The following MEGF6 variants were observed in gnomAD, a reference collection of about 807,000 sequenced individuals.
The protein encoded by MEGF6 is multiple epidermal growth factor-like domains protein 6.
In MEGF6, 184 loss-of-function variants were observed where a neutral mutation model predicts 207.1. That is an observed-to-expected ratio of 0.89 (90% CI 0.79 to 1.00). The LOEUF is 1.00. Among genes scored for constraint, MEGF6 ranks in the 50% least tolerant of loss-of-function variants. The probability of loss-of-function intolerance (pLI) is 0.00; values close to 1 mark genes in which losing one functional copy is unlikely to be tolerated. For missense variants in MEGF6, 2,282 were observed against 2,202.9 expected, an observed-to-expected ratio of 1.04 and a Z score of -0.72; for synonymous variants, 1,038 against 910.0, an observed-to-expected ratio of 1.14 and a Z score of -2.53.
chr1:3,549,697 C>G (rs1445401737), intron 4 of MEGF6, among the ~76,000 whole-genome samples: 1 of 152,246 alleles, frequency 6.6e-6, no homozygotes, highest in Non-Finnish European at 1.5e-5. Context: ...AGGGCTCCAG[C>G]TCGGGCTATG....
At chr1:3,618,736 G>A in the MEGF6 span, among the ~76,000 whole-genome samples, 4 of 152,134 alleles carry the variant, frequency 2.6e-5, no homozygotes, top group African/African-American at 7.2e-5. The surrounding 1 kb of genome is among the most constrained non-coding windows in gnomAD (Gnocchi z 4.7). Flanking sequence ...GCCAGCCCTC[G>A]TACACAGCCC....
At chr1:3,618,296 C>T in the MEGF6 span, among the ~76,000 whole-genome samples, 12 of 152,164 alleles carry the variant, frequency 7.9e-5, no homozygotes, top group Non-Finnish European at 1.5e-4. This position sits in a 1 kb window ranked among gnomAD's most constrained non-coding sequence, Gnocchi z 4.7. Flanking sequence ...CTGTTTAAGA[C>T]CTTCTGGCCC....
intron 4 of MEGF6, among the ~76,000 whole-genome samples, chr1:3,546,528 G>A (rs1479020384): frequency 1.3e-5 from 2 of 150,080 alleles, no homozygotes; most frequent in Admixed American, 1.3e-4. Context: ...GCCAGGGAGG[G>A]CACCGAGGCG....
chr1:3,605,943 G>A (rs1394453230), intron 1 of MEGF6, among the ~76,000 whole-genome samples: 1 of 152,166 alleles, frequency 6.6e-6, no homozygotes, highest in Non-Finnish European at 1.5e-5. Context: ...TGCTTCCTGC[G>A]CCCCTTCATG....
At chr1:3,548,091 G>A (rs1055244474) in intron 4 of MEGF6, among the ~76,000 whole-genome samples, 9 of 152,200 alleles carry the variant, frequency 5.9e-5, no homozygotes, top group African/African-American at 1.9e-4. Context: ...CATGGGGATC[G>A]GAACCTGGAG....
chr1:3,497,495 C>G, intron 26 of MEGF6, 134 bp from the exon 27 acceptor site: 1 of 1,208,128 alleles, frequency 8.3e-7, no homozygotes. Flanking sequence ...GCTCACCATT[C>G]TCACACCTGG....
intron 2 of MEGF6, among the ~76,000 whole-genome samples, chr1:3,599,779 C>T (rs1446780908): frequency 1.3e-5 from 2 of 152,158 alleles, no homozygotes; most frequent in African/African-American, 2.4e-5. Context: ...CACTCCAGGG[C>T]CTGAGGAAGC....
At chr1:3,555,686 C>T (rs1460865020) in intron 4 of MEGF6, among the ~76,000 whole-genome samples, 1 of 152,210 alleles carries the variant, frequency 6.6e-6, no homozygotes, top group Non-Finnish European at 1.5e-5. Context: ...GAGCCTTCTC[C>T]AGCCCGCCCT....
chr1:3,559,375 A>G (rs1643123395), intron 4 of MEGF6, among the ~76,000 whole-genome samples: 1 of 152,112 alleles, frequency 6.6e-6, no homozygotes, highest in South Asian at 2.1e-4. Flanking sequence ...ATCAACTTGC[A>G]GCCCAGCAAG....
At chr1:3,525,343 A>G (rs1426489555) in intron 4 of MEGF6, among the ~76,000 whole-genome samples, 1 of 152,230 alleles carries the variant, frequency 6.6e-6, no homozygotes, top group African/African-American at 2.4e-5. Flanking sequence ...AGAGGGGAGT[A>G]GGAGAGCAGG....
intron 4 of MEGF6, among the ~76,000 whole-genome samples, chr1:3,532,420 T>TG (rs1642206977): frequency 6.6e-6 from 1 of 152,204 alleles, no homozygotes; most frequent in South Asian, 2.1e-4. Flanking sequence ...CAAGCTGTGG[T>TG]GCTCAATGAC....
intron 1 of MEGF6, among the ~76,000 whole-genome samples, chr1:3,606,615 A>C (rs1644252471): frequency 6.6e-6 from 1 of 152,214 alleles, no homozygotes; most frequent in African/African-American, 2.4e-5. Flanking sequence ...GTGTTACTGC[A>C]GATACTGGGA....
intron 4 of MEGF6, among the ~76,000 whole-genome samples, chr1:3,563,179 T>C (rs1330748687): frequency 6.6e-6 from 1 of 152,176 alleles, no homozygotes; most frequent in African/African-American, 2.4e-5. Context: ...ACATCGCACA[T>C]GCACCTTGTA....
chr1:3,601,017 T>C (rs976722762), intron 2 of MEGF6, among the ~76,000 whole-genome samples: 2 of 151,948 alleles, frequency 1.3e-5, no homozygotes, highest in African/African-American at 4.8e-5. Context: ...CGGGAGGGGA[T>C]CCCCTGCCAG....
Position 3,573,410 on chromosome 1 carries a change from A to T in MEGF6, c.481+6415T>A, listed in dbSNP as rs1643564239. Among the ~76,000 whole-genome samples the T allele has an allele frequency of 6.6e-6, 1 of 152,192 alleles. No homozygotes were observed. Among genetic ancestry groups the T allele is most frequent in the South Asian group, 2.1e-4 (1 of 4,834 alleles). On this transcript the variant is annotated intron_variant, in intron 4 of 36. Coordinates refer to ENST00000356575, the MANE Select transcript of MEGF6 (RefSeq NM_001409.4). The surrounding 1 kb of genome is among the most constrained non-coding windows in gnomAD (Gnocchi z 5.1). ...AAACCTTCTGCTTGGCTGCACCCAA[A>T]GGTAAGCACGGGAAACAGTGCGGGG...
chr1:3,542,217 G>A (rs186956572), intron 4 of MEGF6, among the ~76,000 whole-genome samples: 78 of 150,430 alleles, frequency 5.2e-4, no homozygotes, highest in African/African-American at 1.7e-3. Context: ...GGGCCTGGAT[G>A]GGTGGGGTCC....
chr1:3,549,256 G>A (rs576391852), intron 4 of MEGF6, among the ~76,000 whole-genome samples: 4 of 152,118 alleles, frequency 2.6e-5, no homozygotes, highest in East Asian at 3.9e-4. Flanking sequence ...CAGGTGGACC[G>A]GCCACCAGGA....
chr1:3,553,077 A>G (rs1410661160), intron 4 of MEGF6, among the ~76,000 whole-genome samples: 4 of 152,164 alleles, frequency 2.6e-5, no homozygotes, highest in African/African-American at 9.7e-5. Flanking sequence ...GGTAACGCAC[A>G]GCCCTGTTCT....
intron 3 of MEGF6, among the ~76,000 whole-genome samples, chr1:3,593,831 C>T (rs909444059): frequency 7.3e-5 from 11 of 151,624 alleles, no homozygotes; most frequent in Non-Finnish European, 1.2e-4. Context: ...TGGCCAGCAC[C>T]CCCCTCCCTG....
Sources: allele counts gnomAD v4.1 joint callset (sites outside exome capture counted in the v4.1 genomes callset), GRCh38; gene constraint gnomAD v4.1.1; non-coding constraint Gnocchi (gnomAD v3.1); transcripts MANE v1.5; gene names NCBI Gene and HGNC (gene_info 2026-07-23, HGNC 2026-07-21).